The following DCP2 variants were observed in gnomAD, a reference collection of about 807,000 sequenced individuals.
DCP2 encodes the protein decapping mRNA 2, also known as m7GpppN-mRNA hydrolase.
In DCP2, 30 loss-of-function variants were observed where a neutral mutation model predicts 56.1. That is an observed-to-expected ratio of 0.53 (90% confidence interval 0.40 to 0.73). The LOEUF is 0.73. Among genes scored for constraint, DCP2 ranks in the 30% least tolerant of loss-of-function variants. The pLI is 0.00. For synonymous variants in DCP2, 197 were observed against 163.3 expected (o/e 1.21, Z -1.57); for missense variants, 533 against 502.7 (o/e 1.06, Z -0.58).
In DCP2 at chr5:113,021,904, T is replaced by C. The variant is rs1750162221; in HGVS notation, c.*8420T>C. ...GATAACTTCCTATTTATGCCAAATT[T>C]TAAAAAGCCAACTAAAAATGGGCTA... is the stretch of plus-strand genomic sequence containing the variant. On this transcript the variant is annotated 3_prime_UTR_variant, in exon 11 of 11. Coordinates refer to ENST00000389063, the MANE Select transcript of DCP2 (RefSeq NM_152624.6). 6.6e-6 allele frequency among the ~76,000 whole-genome samples: 1 copy of C among 152,200 alleles called. No homozygotes were observed. Among genetic ancestry groups the C allele is most frequent in the Non-Finnish European group, 1.5e-5 (1 of 68,022 alleles).
intron 1 of DCP2, among the ~76,000 whole-genome samples, chr5:112,978,254 C>T (rs1263451687): frequency 1.3e-5 from 2 of 152,180 alleles, no homozygotes; most frequent in Non-Finnish European, 2.9e-5. Flanking sequence ...GGATTACAGG[C>T]GTGAGCCATC....
rs1285080223 is a variant in DCP2, at chr5:113,016,263, C to T, written c.*2779C>T. ...TGGTTTAGGATTTCAAATAGTGATA[C>T]CCTCCTGAGACATGAGCATTTGGAG... On this transcript the variant is annotated 3_prime_UTR_variant, in exon 11 of 11. Transcript: ENST00000389063. The T allele has an allele frequency of 1.3e-5, 2 of 152,526 alleles. No homozygotes were observed. Among genetic ancestry groups the T allele is most frequent in the African/African-American group, 4.8e-5 (2 of 41,406 alleles). 9.4% of individuals were successfully genotyped at this position (152,526 alleles called of 1,614,324 possible). A position where few individuals can be genotyped will look rare whatever the true frequency, so the allele number is the denominator to read the frequency against.
intron 2 of DCP2, among the ~76,000 whole-genome samples, chr5:112,987,802 T>A (rs974558418): frequency 6.6e-6 from 1 of 151,908 alleles, no homozygotes; most frequent in Admixed American, 6.6e-5. Flanking sequence ...TCTTTTTTTT[T>A]TCTCTCCTTT....
intron 7 of DCP2, among the ~76,000 whole-genome samples, chr5:113,003,499 C>A (rs1457658201): frequency 6.6e-6 from 1 of 152,050 alleles, no homozygotes; most frequent in African/African-American, 2.4e-5. Flanking sequence ...TGGCTCGAGC[C>A]TGAGAGGTTG....
chr5:112,980,635 A>G (rs1273988726), intron 1 of DCP2, among the ~76,000 whole-genome samples: 1 of 152,204 alleles, frequency 6.6e-6, no homozygotes, highest in Non-Finnish European at 1.5e-5. Flanking sequence ...TAAATGTTTA[A>G]TTTTCGTACA....
intron 2 of DCP2, among the ~76,000 whole-genome samples, chr5:112,988,296 C>G (rs1314075438): frequency 6.8e-6 from 1 of 145,996 alleles, no homozygotes; most frequent in African/African-American, 2.5e-5. Flanking sequence ...TCCTGGCCAA[C>G]ACAGTAAAAC....
chr5:113,004,936 C>T (rs963964238), intron 8 of DCP2, among the ~76,000 whole-genome samples: 14 of 151,598 alleles, frequency 9.2e-5, no homozygotes, highest in East Asian at 1.9e-4. Context: ...AGATCAGCCC[C>T]GACATGGTGA....
chr5:112,998,709 A>T (rs932980416), intron 4 of DCP2, among the ~76,000 whole-genome samples: 7 of 152,230 alleles, frequency 4.6e-5, no homozygotes, highest in African/African-American at 1.7e-4. Context: ...CTTTAATGTT[A>T]CACCATAGTT....
At chr5:112,990,883 A>AT (rs10714092) in intron 2 of DCP2, among the ~76,000 whole-genome samples, 43 of 150,992 alleles carry the variant, frequency 2.8e-4, no homozygotes, top group East Asian at 9.7e-4. Flanking sequence ...ATTTAATGTG[A>AT]TTTTTTTTTT....
rs1749941035 is a variant in DCP2 at position 113,017,609 on chromosome 5, A to G, written c.*4125A>G. 6.6e-6 allele frequency: 1 copy of G among 152,234 alleles called. No individual in the cohort carries two copies. Among genetic ancestry groups the G allele is most frequent in the South Asian group, 2.1e-4 (1 of 4,832 alleles). The allele number at this position is 152,234 out of a possible 1,614,324, so 9.4% of individuals were successfully genotyped here. On this transcript the variant is annotated 3_prime_UTR_variant, in exon 11 of 11. Transcript: ENST00000389063. ...AGTACAGGCTTTGCCCCATGCTTTC[A>G]AAGTAGGATTCTGGATTGCAGTTTC...
At position 112,976,829 on chromosome 5, in the gene DCP2, C is replaced by A; in HGVS notation, c.-105C>A. The A allele has an allele frequency of 1.7e-6, 2 of 1,197,040 alleles. No homozygotes were observed. The highest frequency in any genetic ancestry group is 2.5e-6 in the Non-Finnish European group (2 of 799,296). 74.2% of individuals were successfully genotyped at this position (1,197,040 alleles called of 1,614,324 possible). ...TCCGTTGGAGTCGTCTCTGCCGCGG[C>A]TTCCTCGGCTGCCAGCTCTCCGGCG... On this transcript the variant is annotated 5_prime_UTR_variant, in exon 1 of 11. Transcript: ENST00000389063.
chr5:113,010,607 C>A, intron 9 of DCP2, 149 bp from the exon 10 acceptor site: 3 of 946,594 alleles, frequency 3.2e-6, no homozygotes, highest in East Asian at 3.0e-5. Flanking sequence ...TACAAAAATA[C>A]TGGTGAGAGA....
rs983962318 is a variant in DCP2 at position 113,010,889 on chromosome 5, T to C, written c.1099+82T>C. On this transcript the variant is annotated intron_variant, in intron 10 of 10. Transcript: ENST00000389063. ...CCTAACTTTGATTTTAGTGGGAGTA[T>C]GTGATCTGTGATAGTTAAGCAGGAA... is the stretch of plus-strand genomic sequence containing the variant. 73 of 1,369,922 alleles carry C rather than the reference T, an allele frequency of 5.3e-5. No homozygotes were observed. In the East Asian group the frequency reaches 1.7e-3, roughly 31 times the overall value. The allele number at this position is 1,369,922 out of a possible 1,614,324, so 84.9% of individuals were successfully genotyped here.
At chr5:112,985,680 A>C (rs540250550) in intron 1 of DCP2, among the ~76,000 whole-genome samples, 155 bp from the exon 2 acceptor site, 1 of 152,188 alleles carries the variant, frequency 6.6e-6, no homozygotes, top group Non-Finnish European at 1.5e-5. Context: ...CATCTTCCCT[A>C]TAGTATTTCT....
chr5:112,983,100 C>T (rs1748086513), intron 1 of DCP2, among the ~76,000 whole-genome samples: 1 of 152,208 alleles, frequency 6.6e-6, no homozygotes, highest in Non-Finnish European at 1.5e-5. Context: ...CACAGACTGC[C>T]ATGCCAAGGG....
chr5:113,009,051 T>A (rs1367264046), intron 9 of DCP2, among the ~76,000 whole-genome samples: 1 of 152,178 alleles, frequency 6.6e-6, no homozygotes, highest in Non-Finnish European at 1.5e-5. Flanking sequence ...TTCACCATGT[T>A]GGCCAGGATG....
intron 1 of DCP2, among the ~76,000 whole-genome samples, chr5:112,980,779 A>G (rs78330770): frequency 1.3e-5 from 2 of 152,048 alleles, no homozygotes; most frequent in African/African-American, 2.4e-5. Context: ...ACCCTTTTCT[A>G]TTCCTGTTGA....
At chr5:112,996,165 G>A (rs779828430) in intron 4 of DCP2, among the ~76,000 whole-genome samples, 144 of 152,172 alleles carry the variant, frequency 9.5e-4, no homozygotes, top group Non-Finnish European at 2.6e-4. Flanking sequence ...TTTTTTGAAT[G>A]ATGAAAGTAT....
At chr5:113,012,634 T>G in intron 10 of DCP2, among the ~76,000 whole-genome samples, 1 of 152,158 alleles carries the variant, frequency 6.6e-6, no homozygotes, top group Non-Finnish European at 1.5e-5. Flanking sequence ...TTTTTCTTTT[T>G]TTTCTTATTT....
Sources: gnomAD v4.1 joint callset for allele counts (sites outside exome capture counted in the v4.1 genomes callset) on GRCh38, gnomAD v4.1.1 for gene constraint, MANE v1.5 for transcripts, NCBI Gene and HGNC (gene_info 2026-07-23, HGNC 2026-07-21) for gene names.